The following DYM variants were observed in gnomAD, a reference collection of about 807,000 sequenced individuals.
DYM encodes dymeclin.
In DYM, 78 loss-of-function variants were observed where a neutral mutation model predicts 93.1. The ratio of observed to expected loss-of-function variants is 0.84; its 90% CI spans 0.70 to 1.01. The LOEUF (loss-of-function observed/expected upper bound fraction) is 1.01. Ranked by LOEUF, DYM falls within the 50% of genes least tolerant of loss-of-function variation. The pLI is 0.00. For missense variants in DYM, 789 were observed against 845.0 expected (o/e 0.93, Z 0.82); for synonymous variants, 321 against 319.7 (o/e 1.00, Z -0.04).
chr18:49,133,854 G>A (rs2083589142), intron 15 of DYM, among the ~76,000 whole-genome samples: 1 of 152,078 alleles, frequency 6.6e-6, no homozygotes, highest in African/African-American at 2.4e-5. Flanking sequence ...AGTCCTTTTT[G>A]CTATGTAACT....
chr18:49,364,254 G>C (rs902728159), intron 5 of DYM, among the ~76,000 whole-genome samples: 6 of 152,100 alleles, frequency 3.9e-5, no homozygotes, highest in African/African-American at 1.4e-4. Flanking sequence ...AGACCAGCCT[G>C]GCCAACATGG....
At chr18:49,289,748 T>TATATATACAC (rs1568180867) in intron 8 of DYM, among the ~76,000 whole-genome samples, 2 of 41,176 alleles carry the variant, frequency 4.9e-5, no homozygotes, top group Non-Finnish European at 9.0e-5. Context: ...TATATATATA[T>TATATATACAC]ATATATATAT....
chr18:49,322,943 T>A (rs566071453), intron 8 of DYM, among the ~76,000 whole-genome samples: 1 of 152,226 alleles, frequency 6.6e-6, no homozygotes, highest in African/African-American at 2.4e-5. Flanking sequence ...CCAAGAACAC[T>A]CAGTTAATAA....
intron 15 of DYM, among the ~76,000 whole-genome samples, chr18:49,160,883 C>A (rs192576753): frequency 1.3e-5 from 2 of 152,246 alleles, no homozygotes; most frequent in Admixed American, 1.3e-4. Flanking sequence ...AAAGAACATA[C>A]AACGGTGCTT....
chr18:49,348,468 T>G (rs537516479), intron 6 of DYM, among the ~76,000 whole-genome samples: 2 of 152,132 alleles, frequency 1.3e-5, no homozygotes, highest in South Asian at 4.1e-4. Flanking sequence ...TGCTTGGCAT[T>G]TGGGATTCAA....
chr18:49,082,645 AAAG>A (rs1374039812), intron 17 of DYM, among the ~76,000 whole-genome samples: 1 of 152,242 alleles, frequency 6.6e-6, no homozygotes, highest in Non-Finnish European at 1.5e-5. Flanking sequence ...ACAGAATGGT[AAAG>A]AAGAACTTGG....
At chr18:49,209,524 A>G (rs1383745193) in intron 14 of DYM, 27 bp downstream of exon 14, 3 of 1,276,360 alleles carry the variant, frequency 2.4e-6, no homozygotes, top group Non-Finnish European at 3.1e-6. Context: ...TGCAGCATGC[A>G]GTAAATGGAC....
At chr18:49,206,230 C>A (rs1382158229) in intron 14 of DYM, among the ~76,000 whole-genome samples, 1 of 152,008 alleles carries the variant, frequency 6.6e-6, no homozygotes, top group Non-Finnish European at 1.5e-5. Context: ...GATCTCCTGA[C>A]CTTATGATCT....
intron 13 of DYM, among the ~76,000 whole-genome samples, chr18:49,214,737 CATT>C (rs1488763537): frequency 6.6e-6 from 1 of 152,170 alleles, no homozygotes. Flanking sequence ...AAGCATTTGA[CATT>C]ATGAGCTAAT....
Position 49,209,462 on chromosome 18 carries a change from TTTAA to T in DYM, c.1625+85_1625+88del, listed in dbSNP as rs150477924. ...CAAATATAAATGTTCTCTTTAATAA[TTTAA>T]TTGACACATGTCTTATTAAAACATG... is the stretch of plus-strand genomic sequence containing the variant. On this transcript the variant is annotated intron_variant, in intron 14 of 17. Coordinates refer to ENST00000675505, the MANE Select transcript of DYM (RefSeq NM_001353214.3). The T allele has an allele frequency of 1.4e-3, 1,208 of 866,036 alleles. 16 individuals carry two copies. The African/African-American group carries it at 0.02, about 14-fold the overall frequency. The allele number at this position is 866,036 out of a possible 1,614,324, so 53.6% of individuals were successfully genotyped here.
intron 8 of DYM, among the ~76,000 whole-genome samples, chr18:49,330,332 A>C (rs1354356668): frequency 1.3e-5 from 2 of 152,342 alleles, no homozygotes; most frequent in East Asian, 3.9e-4. Flanking sequence ...ATGTAGTAAT[A>C]ATCTCAGAAA....
At chr18:49,427,550 T>C (rs973348299) in intron 2 of DYM, among the ~76,000 whole-genome samples, 1 of 152,132 alleles carries the variant, frequency 6.6e-6, no homozygotes, top group African/African-American at 2.4e-5. Context: ...AAATTATTGT[T>C]AATTTTGTGA....
At position 49,268,535 on chromosome 18, in the gene DYM, A is replaced by G. The variant is rs2094610712; in HGVS notation, c.1251+3643T>C. ...AGAATGAGGATACAGAAAAGTATAG[A>G]AAATAGCACAATAAAAAGTATAACC... On this transcript the variant is annotated intron_variant, in intron 11 of 17. Transcript: ENST00000675505. Among the ~76,000 whole-genome samples the G allele has an allele frequency of 1.3e-5, 2 of 152,212 alleles. 1 individual carries two copies. Among genetic ancestry groups the G allele is most frequent in the South Asian group, 4.1e-4 (2 of 4,834 alleles).
chr18:49,227,739 G>A (rs2093581903), intron 13 of DYM, among the ~76,000 whole-genome samples: 1 of 152,150 alleles, frequency 6.6e-6, no homozygotes, highest in South Asian at 2.1e-4. Flanking sequence ...CCAGTCCAAT[G>A]TTCTAACCAC....
rs180962213 is a variant in DYM at position 49,191,320 on chromosome 18, T to A, written c.1625+18231A>T. Among the ~76,000 whole-genome samples the A allele has an allele frequency of 2.8e-3, 388 of 137,356 alleles. 1 individual carries two copies. Among genetic ancestry groups the A allele is most frequent in the African/African-American group, 9.8e-3 (375 of 38,258 alleles). 90.1% of individuals were successfully genotyped at this position (137,356 alleles called of 152,430 possible). ...TTACTCTTAATTTTTCCTCTTCCAG[T>A]ACTAAGTAAAACCTAAAACTTAACC... On this transcript the variant is annotated intron_variant, in intron 14 of 17. Transcript: ENST00000675505.
rs560160126 is a variant in DYM, at chr18:49,407,101, T to C, written c.141-15456A>G. On this transcript the variant is annotated intron_variant, in intron 2 of 17. Transcript: ENST00000675505. ...TGAAAGAAAAGAGCCCTTCTCAAAA[T>C]GTTACGTAATGTAAAATTCCATTTA... Among the ~76,000 whole-genome samples the C allele has an allele frequency of 2.0e-5, 3 of 152,274 alleles. No homozygotes were observed. The South Asian group carries it at 6.2e-4, about 32-fold the overall frequency.
At chr18:49,164,927 T>C (rs908871041) in intron 14 of DYM, among the ~76,000 whole-genome samples, 33 of 152,196 alleles carry the variant, frequency 2.2e-4, no homozygotes, top group African/African-American at 7.5e-4. Flanking sequence ...AAGAATACAG[T>C]TGATTTACAT....
intron 16 of DYM, among the ~76,000 whole-genome samples, chr18:49,104,155 T>A (rs978746872): frequency 6.6e-6 from 1 of 152,144 alleles, no homozygotes; most frequent in Non-Finnish European, 1.5e-5. Context: ...TTCCTAGGTA[T>A]TTTATTCTCT....
intron 16 of DYM, chr18:49,114,537 A>G: frequency 2.0e-6 from 2 of 984,716 alleles, no homozygotes; most frequent in Non-Finnish European, 2.4e-6. Context: ...CCTCACCTCC[A>G]CTCTGCTTTT....
Sources: allele counts gnomAD v4.1 joint callset (sites outside exome capture counted in the v4.1 genomes callset), GRCh38; gene constraint gnomAD v4.1.1; transcripts MANE v1.5; gene names NCBI Gene and HGNC (gene_info 2026-07-23, HGNC 2026-07-21).